Variants in EFCAB6 observed in about 807,000 individuals in gnomAD.
EFCAB6 encodes EF-hand calcium-binding domain-containing protein 6.
A neutral mutation model predicts 169.8 loss-of-function variants in EFCAB6; 156 were observed. The observed-to-expected ratio is 0.92, with a 90% confidence interval of 0.81 to 1.05. EFCAB6 has a LOEUF of 1.05. Among genes scored for constraint, EFCAB6 ranks in the 50% least tolerant of loss-of-function variants. The pLI is 0.00. For synonymous variants in EFCAB6, 698 were observed against 676.4 expected (o/e 1.03, Z -0.50); for missense variants, 1,800 against 1,829.1 (o/e 0.98, Z 0.29).
intron 12 of EFCAB6, among the ~76,000 whole-genome samples, chr22:43,681,922 T>C (rs764509160): frequency 1.3e-5 from 2 of 152,272 alleles, no homozygotes; most frequent in South Asian, 4.1e-4. Flanking sequence ...ACTTGCAGAG[T>C]TGGTGGCAGC....
chr22:43,609,153 A>G (rs182858604), intron 21 of EFCAB6, among the ~76,000 whole-genome samples: 3 of 152,316 alleles, frequency 2.0e-5, no homozygotes, highest in Admixed American at 6.5e-5. Context: ...AGCTCATTTA[A>G]TCTTCTTCAT....
chr22:43,704,758 T>C (rs1392423629), intron 10 of EFCAB6, among the ~76,000 whole-genome samples: 1 of 151,958 alleles, frequency 6.6e-6, no homozygotes, highest in Non-Finnish European at 1.5e-5. Flanking sequence ...CTATAGTAGA[T>C]GCACAAAACA....
intron 4 of EFCAB6, among the ~76,000 whole-genome samples, chr22:43,767,356 GAT>G (rs1271728351): frequency 6.6e-6 from 1 of 152,210 alleles, no homozygotes; most frequent in East Asian, 1.9e-4. Flanking sequence ...CTTCTTTTCT[GAT>G]AATGCATTTT....
rs369153462 is a variant in EFCAB6 at position 43,804,312 on chromosome 22, A to G, written c.-8+4683T>C. On this transcript the variant is annotated intron_variant, in intron 2 of 31. Transcript: ENST00000262726. ...TCCAACACACCAAAGTCTATGGGCT[A>G]CAGCAAAAGCAGTACTAAGAAGGAA... 7.6e-4 allele frequency among the ~76,000 whole-genome samples: 116 copies of G among 152,332 alleles called. 2 individuals are homozygous for G. The South Asian group carries it at 0.023, about 30-fold the overall frequency.
chr22:43,675,017 C>T (rs1331784866), intron 13 of EFCAB6, among the ~76,000 whole-genome samples: 3 of 151,956 alleles, frequency 2.0e-5, no homozygotes, highest in South Asian at 2.1e-4. Flanking sequence ...GGTTCACACA[C>T]GCATCTACTA....
At chr22:43,685,004 G>GC (rs2058138541) in intron 11 of EFCAB6, among the ~76,000 whole-genome samples, 2 of 152,106 alleles carry the variant, frequency 1.3e-5, no homozygotes, top group African/African-American at 4.8e-5. Context: ...AAATTCTAAA[G>GC]CCCCTAATGC....
chr22:43,704,829 GAAGA>G (rs751364977), intron 10 of EFCAB6, among the ~76,000 whole-genome samples: 4 of 149,168 alleles, frequency 2.7e-5, no homozygotes, highest in Non-Finnish European at 6.0e-5. Context: ...ACCAAGAGAG[GAAGA>G]AAGAAAGAAA....
intron 17 of EFCAB6, among the ~76,000 whole-genome samples, chr22:43,660,742 G>A (rs1029601159): frequency 5.9e-5 from 9 of 152,074 alleles, no homozygotes; most frequent in African/African-American, 1.4e-4. Flanking sequence ...CTTTGTGCCC[G>A]AAACATCTGG....
intron 6 of EFCAB6, among the ~76,000 whole-genome samples, chr22:43,742,019 G>A (rs986051022): frequency 3.9e-5 from 6 of 151,970 alleles, no homozygotes; most frequent in Non-Finnish European, 5.9e-5. Flanking sequence ...AAAGGGGAAA[G>A]GTCCCTGCTT....
chr22:43,717,446 G>A (rs1329639857), intron 8 of EFCAB6, among the ~76,000 whole-genome samples: 9 of 149,544 alleles, frequency 6.0e-5, no homozygotes, highest in Non-Finnish European at 1.2e-4. Context: ...ATATACATGA[G>A]AAATACAGGT....
At chr22:43,756,356 G>A (rs535824285) in intron 5 of EFCAB6, among the ~76,000 whole-genome samples, 74 of 152,286 alleles carry the variant, frequency 4.9e-4, no homozygotes, top group Middle Eastern at 3.4e-3. Flanking sequence ...CGGGCTCTAC[G>A]TCCCCTTAAC....
At chr22:43,671,865 A>AT in intron 15 of EFCAB6, 108 bp downstream of exon 15, 1 of 1,323,288 alleles carries the variant, frequency 7.6e-7, no homozygotes, top group Non-Finnish European at 1.0e-6. Context: ...AGCAGTTATT[A>AT]TCAATACTAC....
intron 20 of EFCAB6, among the ~76,000 whole-genome samples, chr22:43,617,780 T>C (rs904128823): frequency 6.6e-6 from 1 of 152,040 alleles, no homozygotes; most frequent in African/African-American, 2.4e-5. Context: ...TACACTGTGA[T>C]GGAGAAACTT....
intron 23 of EFCAB6, among the ~76,000 whole-genome samples, chr22:43,598,509 G>A (rs930619915): frequency 6.6e-6 from 1 of 151,560 alleles, no homozygotes; most frequent in Non-Finnish European, 1.5e-5. Context: ...GTACAGTAGG[G>A]AAATTATACT....
At chr22:43,772,578 T>G (rs1387700443) in intron 4 of EFCAB6, among the ~76,000 whole-genome samples, 2 of 149,580 alleles carry the variant, frequency 1.3e-5, no homozygotes, top group East Asian at 3.9e-4. Context: ...GAGGCGGAGG[T>G]TGCGGTGAGC....
intron 5 of EFCAB6, among the ~76,000 whole-genome samples, chr22:43,763,043 A>G (rs773223015): frequency 5.9e-5 from 9 of 151,902 alleles, no homozygotes; most frequent in Non-Finnish European, 8.8e-5. Flanking sequence ...TGCTGCACTC[A>G]TTCATTTTTT....
chr22:43,607,928 G>A (rs546718182), intron 22 of EFCAB6, among the ~76,000 whole-genome samples: 2 of 152,278 alleles, frequency 1.3e-5, no homozygotes, highest in Non-Finnish European at 2.9e-5. Flanking sequence ...CAGCTAAATC[G>A]AAAATACATT....
chr22:43,734,404 C>T (rs1353558239), intron 7 of EFCAB6, among the ~76,000 whole-genome samples: 1 of 152,082 alleles, frequency 6.6e-6, no homozygotes, highest in East Asian at 1.9e-4. Context: ...ATGAAAATAG[C>T]ATTGTTTTTG....
chr22:43,687,258 T>G (rs2058231729), intron 11 of EFCAB6, among the ~76,000 whole-genome samples: 1 of 152,204 alleles, frequency 6.6e-6, no homozygotes, highest in African/African-American at 2.4e-5. Context: ...ATCTAGAAAT[T>G]GACATAACAA....
Sources: allele counts gnomAD v4.1 joint callset (sites outside exome capture counted in the v4.1 genomes callset), GRCh38; gene constraint gnomAD v4.1.1; transcripts MANE v1.5; gene names NCBI Gene and HGNC (gene_info 2026-07-23, HGNC 2026-07-21).